CTNNA2: variants seen among roughly 807,000 people sequenced by gnomAD.
The protein encoded by CTNNA2 is catenin alpha 2, also known as catenin alpha-2.
In CTNNA2, 42 loss-of-function variants were observed where a neutral mutation model predicts 101.0. The observed-to-expected ratio is 0.42, with a 90% CI of 0.32 to 0.54. The LOEUF (loss-of-function observed/expected upper bound fraction) is 0.54, where lower values mean the gene tolerates loss of function less well. CTNNA2 is among the 20% of genes least tolerant of loss of function. The pLI, the probability that CTNNA2 is intolerant of heterozygous loss-of-function variation, is 0.14. For missense variants in CTNNA2, 871 were observed against 1,223.1 expected (o/e 0.71, Z 4.29); for synonymous variants, 450 against 456.4 (o/e 0.99, Z 0.18).
chr2:79,365,462 A>C (rs1369428171), intron 3 of CTNNA2, among the ~76,000 whole-genome samples: 1 of 151,540 alleles, frequency 6.6e-6, no homozygotes, highest in South Asian at 2.1e-4. Context: ...CATCTCTACA[A>C]ATTTTTTTTT....
At chr2:79,943,386 G>A (rs566044824) in intron 7 of CTNNA2, among the ~76,000 whole-genome samples, 1 of 152,236 alleles carries the variant, frequency 6.6e-6, no homozygotes, top group Non-Finnish European at 1.5e-5. Context: ...AAAGATGAGT[G>A]TTTGTATATC....
chr2:79,940,731 A>C (rs1263459387), intron 7 of CTNNA2, among the ~76,000 whole-genome samples: 1 of 152,220 alleles, frequency 6.6e-6, no homozygotes, highest in African/African-American at 2.4e-5. Context: ...AGCCTAGCCT[A>C]CCTTAAATGT....
intron 1 of CTNNA2, among the ~76,000 whole-genome samples, chr2:79,617,005 G>T (rs563263929): frequency 6.6e-6 from 1 of 151,506 alleles, no homozygotes. Context: ...GGGTTCAAGC[G>T]ATTCTCCTGC....
At chr2:80,323,045 C>T (rs918485262) in intron 7 of CTNNA2, among the ~76,000 whole-genome samples, 11 of 152,328 alleles carry the variant, frequency 7.2e-5, no homozygotes, top group African/African-American at 2.6e-4. Context: ...AAGAGAAGTG[C>T]GTGCCCTGTC....
At chr2:79,851,624 G>T (rs1324837280) in intron 3 of CTNNA2, among the ~76,000 whole-genome samples, 1 of 151,510 alleles carries the variant, frequency 6.6e-6, no homozygotes, top group Non-Finnish European at 1.5e-5. Flanking sequence ...GAAAAAGGTT[G>T]TTAGGCAGGT....
intron 2 of CTNNA2, among the ~76,000 whole-genome samples, chr2:79,666,583 C>A (rs530723924): frequency 6.6e-6 from 1 of 152,284 alleles, no homozygotes; most frequent in South Asian, 2.1e-4. Context: ...TATTCAGAAT[C>A]TCATAGATGT....
At chr2:79,471,493 T>A (rs902773110) in intron 4 of CTNNA2, among the ~76,000 whole-genome samples, 1 of 152,144 alleles carries the variant, frequency 6.6e-6, no homozygotes, top group Non-Finnish European at 1.5e-5. Context: ...CCATTCATGA[T>A]GGCTCTATTC....
intron 2 of CTNNA2, among the ~76,000 whole-genome samples, chr2:79,700,751 T>A (rs1014006689): frequency 6.6e-6 from 1 of 152,168 alleles, no homozygotes; most frequent in Non-Finnish European, 1.5e-5. Context: ...GGATGTGATA[T>A]AGGGAAGGCA....
At position 80,589,383 on chromosome 2, in the gene CTNNA2, A is replaced by G. The variant is rs1265321265; in HGVS notation, c.2087A>G (p.Lys696Arg). 4 of 1,614,138 alleles carry G rather than the reference A, an allele frequency of 2.5e-6. No homozygotes were observed. Among genetic ancestry groups the G allele is most frequent in the Non-Finnish European group, 3.4e-6 (4 of 1,179,998 alleles). The change falls in exon 15 of 19, where the codon AAG (lysine) becomes AGG (arginine). Residue 696 changes from lysine to arginine, a missense_variant. By Grantham distance (26) the Lys-to-Arg change is conservative. This residue lies in a region of CTNNA2 where 93 missense variants were observed against 223.7 expected (regional missense o/e 0.42). Transcript: ENST00000402739. ...GAGATATTCCATCAAGAGAAAAGCA[A>G]GCTGGATGCAGAAGTGGCCAAATGG... The part of the protein sequence containing the change: ...QVEIFHQEKS[K>R]LDAEVAKWDD...
At chr2:79,516,677 C>T (rs1404830074) in intron 1 of CTNNA2, among the ~76,000 whole-genome samples, 1 of 152,134 alleles carries the variant, frequency 6.6e-6, no homozygotes, top group Non-Finnish European at 1.5e-5. Context: ...AGTTCTTTAT[C>T]TCACCTAAAG....
At chr2:80,335,082 G>T (rs547193630) in intron 7 of CTNNA2, among the ~76,000 whole-genome samples, 4 of 152,320 alleles carry the variant, frequency 2.6e-5, no homozygotes, top group South Asian at 4.1e-4. Context: ...TGCATATAAG[G>T]TTCCATCTCA....
intron 3 of CTNNA2, among the ~76,000 whole-genome samples, chr2:79,854,332 C>T (rs1453954136): frequency 6.6e-6 from 1 of 152,178 alleles, no homozygotes; most frequent in Non-Finnish European, 1.5e-5. Context: ...AATGATCACC[C>T]GTTATGGGTA....
At chr2:79,870,515 G>A (rs1682505543) in intron 5 of CTNNA2, among the ~76,000 whole-genome samples, 1 of 152,084 alleles carries the variant, frequency 6.6e-6, no homozygotes, top group Non-Finnish European at 1.5e-5. Flanking sequence ...GAAGAGTGCA[G>A]GTGAGCGTGA....
At chr2:79,619,823 A>G (rs552867561) in intron 1 of CTNNA2, among the ~76,000 whole-genome samples, 21 of 152,182 alleles carry the variant, frequency 1.4e-4, no homozygotes, top group Admixed American at 7.9e-4. Context: ...AAATCCAGAC[A>G]TTCACATTTT....
At chr2:80,106,338 G>A (rs1552308) in intron 7 of CTNNA2, among the ~76,000 whole-genome samples, 40,696 of 151,980 alleles carry the variant, frequency 0.27, 6,258 homozygotes, top group East Asian at 0.51. Flanking sequence ...TCTTCCTAGA[G>A]CTTTTTTGAA....
At chr2:79,190,793 T>C (rs1057482055) in intron 1 of CTNNA2, among the ~76,000 whole-genome samples, 3 of 152,132 alleles carry the variant, frequency 2.0e-5, no homozygotes, top group Non-Finnish European at 2.9e-5. Context: ...TTGTGTTCAG[T>C]AGGACTTTTT....
At chr2:79,903,520 TTC>T (rs1685213201) in intron 6 of CTNNA2, among the ~76,000 whole-genome samples, 1 of 152,154 alleles carries the variant, frequency 6.6e-6, no homozygotes, top group Admixed American at 6.5e-5. Context: ...ACCTGGTTCT[TTC>T]TCTCTCTCCA....
chr2:80,625,684 TATC>T (rs1330681645), intron 18 of CTNNA2, among the ~76,000 whole-genome samples: 1 of 152,112 alleles, frequency 6.6e-6, no homozygotes, highest in Non-Finnish European at 1.5e-5. Flanking sequence ...TTAGCTTCTT[TATC>T]ATCCTTTCTT....
intron 2 of CTNNA2, among the ~76,000 whole-genome samples, chr2:79,274,312 T>C (rs1343105993): frequency 1.3e-5 from 2 of 152,028 alleles, no homozygotes; most frequent in African/African-American, 4.8e-5. Context: ...GACTGAATTG[T>C]CTGTGGGCAT....
Sources: allele counts gnomAD v4.1 joint callset (sites outside exome capture counted in the v4.1 genomes callset), GRCh38; gene constraint gnomAD v4.1.1; regional missense constraint gnomAD v4.1.1; transcripts MANE v1.5; gene names NCBI Gene and HGNC (gene_info 2026-07-23, HGNC 2026-07-21).